Variants in ZNF143 observed in about 807,000 individuals in gnomAD.
The protein encoded by ZNF143 is SPH-binding factor.
A neutral mutation model predicts 74.1 loss-of-function variants in ZNF143; 49 were observed. The observed-to-expected ratio is 0.66, with a 90% confidence interval of 0.53 to 0.84. The LOEUF (loss-of-function observed/expected upper bound fraction) is 0.84. Among genes scored for constraint, ZNF143 ranks in the 40% least tolerant of loss-of-function variants. ZNF143 has a pLI of 0.00. For missense variants in ZNF143, 637 were observed against 793.4 expected, an observed-to-expected ratio of 0.80 and a Z score of 2.37; for synonymous variants, 304 against 282.8, an observed-to-expected ratio of 1.07 and a Z score of -0.75.
chr11:9,482,923 A>G (rs927609293), intron 7 of ZNF143, among the ~76,000 whole-genome samples: 5 of 151,504 alleles, frequency 3.3e-5, no homozygotes, highest in Admixed American at 6.6e-5. Flanking sequence ...AATAATTACT[A>G]TTAATTTCAC....
chr11:9,488,582 A>G (rs1405418811), intron 7 of ZNF143, among the ~76,000 whole-genome samples: 13 of 152,062 alleles, frequency 8.5e-5, no homozygotes, highest in Non-Finnish European at 1.9e-4. Context: ...CCTAACCTAC[A>G]TCTCCCTACT....
rs564665130 is a variant in ZNF143, at chr11:9,479,389, G to A, written c.571-83G>A. 18 of 1,019,810 alleles carry A rather than the reference G, an allele frequency of 1.8e-5. 1 individual carries two copies. The Admixed American group carries it at 5.0e-4, about 28-fold the overall frequency. The allele number at this position is 1,019,810 out of a possible 1,614,324, so 63.2% of individuals were successfully genotyped here. ...TTTTTCTTTTTCTTTTTTTTTGCAA[G>A]CTTCTCCCTGAACCATGTACTTAAC... is the stretch of plus-strand genomic sequence containing the variant. On this transcript the variant is annotated intron_variant, in intron 6 of 15. Transcript: ENST00000396602.
intron 7 of ZNF143, among the ~76,000 whole-genome samples, chr11:9,483,320 C>T (rs941101985): frequency 9.9e-5 from 5 of 50,582 alleles, no homozygotes; most frequent in African/African-American, 2.2e-4. Flanking sequence ...TTTTTGGAGA[C>T]GGCATCTCGC....
At chr11:9,497,498 T>C (rs539093889) in intron 9 of ZNF143, among the ~76,000 whole-genome samples, 177 bp from the exon 10 acceptor site, 4 of 152,234 alleles carry the variant, frequency 2.6e-5, no homozygotes, top group Non-Finnish European at 4.4e-5. Flanking sequence ...TCCAAAGTGC[T>C]GGGGGTACAG....
rs11042404 is a variant in ZNF143, at chr11:9,515,188, A to C, written c.1525-1013A>C. 3.0e-3 allele frequency among the ~76,000 whole-genome samples: 453 copies of C among 152,236 alleles called. 4 individuals are homozygous for C. The highest frequency in any genetic ancestry group is 0.01 in the African/African-American group (430 of 41,564). On this transcript the variant is annotated intron_variant, in intron 13 of 15. Coordinates refer to ENST00000396602, the MANE Select transcript of ZNF143 (RefSeq NM_003442.6). The stretch of plus-strand genomic sequence containing the variant: ...AGGGGATTTCAGCAGCAGAGAGCAT[A>C]ATAAGATTTTGTTTTGTTTTGTTTT...
chr11:9,521,392 C>G (rs568548111), intron 14 of ZNF143, among the ~76,000 whole-genome samples: 1 of 152,264 alleles, frequency 6.6e-6, no homozygotes, highest in African/African-American at 2.4e-5. Context: ...AAAGTTTCAT[C>G]TCCTGTTTCA....
chr11:9,480,246 A>T (rs74829098), intron 7 of ZNF143, among the ~76,000 whole-genome samples: 1 of 152,214 alleles, frequency 6.6e-6, no homozygotes, highest in African/African-American at 2.4e-5. Context: ...TTCAAAACTT[A>T]TGTTATTCAA....
intron 1 of ZNF143, among the ~76,000 whole-genome samples, chr11:9,463,499 G>A (rs1357102853): frequency 6.6e-6 from 1 of 152,148 alleles, no homozygotes; most frequent in Non-Finnish European, 1.5e-5. Flanking sequence ...GGTGTCTCTT[G>A]TAGGTTTGGT....
Position 9,478,379 on chromosome 11 carries a change from C to T in ZNF143, c.374-11C>T, listed in dbSNP as rs1847102881. The T allele has an allele frequency of 6.3e-7, 1 of 1,596,874 alleles. No homozygotes were observed. The highest frequency in any genetic ancestry group is 1.3e-5 in the African/African-American group (1 of 74,600). Reference sequence around the variant, plus strand: ...CCTTTAATTTAATGGCATTCTCTTCCACTCTCTCAGATAGTTATGACCAGA... The same window carrying T: ...CCTTTAATTTAATGGCATTCTCTTCTACTCTCTCAGATAGTTATGACCAGA... On this transcript the variant is annotated splice_polypyrimidine_tract_variant and intron_variant, in intron 5 of 15. Coordinates refer to ENST00000396602, the MANE Select transcript of ZNF143 (RefSeq NM_003442.6).
intron 14 of ZNF143, among the ~76,000 whole-genome samples, chr11:9,522,586 C>T (rs963855155): frequency 1.3e-5 from 2 of 152,076 alleles, no homozygotes; most frequent in African/African-American, 2.4e-5. Flanking sequence ...CTCCGCCTCC[C>T]GGGTTCAAGC....
At chr11:9,501,651 T>C (rs908572675) in intron 11 of ZNF143, among the ~76,000 whole-genome samples, 1 of 152,238 alleles carries the variant, frequency 6.6e-6, no homozygotes, top group East Asian at 1.9e-4. Flanking sequence ...CTGGGAGATA[T>C]TTGGCATACA....
intron 5 of ZNF143, among the ~76,000 whole-genome samples, chr11:9,476,692 A>G (rs560905037): frequency 6.6e-6 from 1 of 150,474 alleles, no homozygotes; most frequent in East Asian, 2.0e-4. Flanking sequence ...TTATTATAGA[A>G]TGACATAACA....
At chr11:9,503,843 G>A (rs1848255279) in intron 11 of ZNF143, among the ~76,000 whole-genome samples, 1 of 151,072 alleles carries the variant, frequency 6.6e-6, no homozygotes, top group African/African-American at 2.4e-5. Flanking sequence ...GTAGAGACAG[G>A]GTTTCACCAT....
intron 7 of ZNF143, among the ~76,000 whole-genome samples, chr11:9,490,029 T>A (rs12293997): frequency 0.038 from 5,683 of 151,466 alleles, 330 homozygotes; most frequent in African/African-American, 0.13. Context: ...ATTTTTTTTT[T>A]AAAAACAAGC....
intron 15 of ZNF143, among the ~76,000 whole-genome samples, chr11:9,526,716 A>G (rs1463672474): frequency 6.6e-6 from 1 of 152,058 alleles, no homozygotes; most frequent in Non-Finnish European, 1.5e-5. Flanking sequence ...TGCTACGATT[A>G]TAGTCATGAG....
chr11:9,518,586 G>C (rs1180873761), intron 14 of ZNF143, among the ~76,000 whole-genome samples: 1 of 152,108 alleles, frequency 6.6e-6, no homozygotes, highest in Non-Finnish European at 1.5e-5. Context: ...CGTGGTGGCA[G>C]GGTGCCTGTA....
chr11:9,504,641 A>C (rs1248432406), intron 11 of ZNF143, among the ~76,000 whole-genome samples: 1 of 120,932 alleles, frequency 8.3e-6, no homozygotes, highest in African/African-American at 2.6e-5. Context: ...ACTTGTGTTA[A>C]TTCAAAATTA....
At chr11:9,465,281 G>A (rs972654436) in intron 1 of ZNF143, among the ~76,000 whole-genome samples, 2 of 152,058 alleles carry the variant, frequency 1.3e-5, no homozygotes, top group Admixed American at 6.6e-5. Context: ...CCGCCTCCCG[G>A]GTTCAAGTGA....
chr11:9,477,262 T>TTCCCTCCCTTCCC (rs1856987908), intron 5 of ZNF143, among the ~76,000 whole-genome samples: 1 of 149,212 alleles, frequency 6.7e-6, no homozygotes. Flanking sequence ...CTTCCTTTTC[T>TTCCCTCCCTTCCC]TTCTTTTCTT....
Sources: allele counts gnomAD v4.1 joint callset (sites outside exome capture counted in the v4.1 genomes callset), GRCh38; gene constraint gnomAD v4.1.1; transcripts MANE v1.5; gene names NCBI Gene and HGNC (gene_info 2026-07-23, HGNC 2026-07-21).